Variants in ITPA observed in about 807,000 individuals in gnomAD.
ITPA encodes the protein inosine triphosphate pyrophosphatase.
ITPA carries 29 observed loss-of-function variants against 29.6 expected under a neutral mutation model. The observed-to-expected ratio is 0.98, with a 90% CI of 0.73 to 1.34. The LOEUF (loss-of-function observed/expected upper bound fraction) is 1.34. Ranked by LOEUF, ITPA falls within the 40% of genes most tolerant of loss-of-function variation. ITPA has a pLI of 0.00. For missense variants in ITPA, 241 were observed against 251.5 expected, an observed-to-expected ratio of 0.96 and a Z score of 0.28; for synonymous variants, 103 against 99.3, an observed-to-expected ratio of 1.04 and a Z score of -0.22.
At chr20:3,216,934 G>A (rs187558997) in intron 5 of ITPA, among the ~76,000 whole-genome samples, 88 of 151,982 alleles carry the variant, frequency 5.8e-4, no homozygotes, top group African/African-American at 2.0e-3. Context: ...AGGCTAGAGT[G>A]CAGTGGTGTG....
intron 6 of ITPA, among the ~76,000 whole-genome samples, chr20:3,220,571 C>G (rs143983835): frequency 2.3e-3 from 353 of 152,138 alleles, no homozygotes; most frequent in Middle Eastern, 3.4e-3. Context: ...GTTTTTGAGA[C>G]AGGGTCTTGC....
At chr20:3,225,178 G>C (rs887472832), downstream of ITPA, among the ~76,000 whole-genome samples, 5 of 152,078 alleles carry the variant, frequency 3.3e-5, no homozygotes, top group African/African-American at 4.8e-5. Context: ...ACTCCAGCCT[G>C]GGCAACAGTG....
intron 3 of ITPA, 145 bp from the exon 4 acceptor site, chr20:3,213,840 G>C: frequency 1.2e-6 from 1 of 835,254 alleles, no homozygotes; most frequent in Non-Finnish European, 2.1e-6. Flanking sequence ...TTAAGAGATT[G>C]GCCGAGGGCA....
intron 2 of ITPA, 33 bp downstream of exon 2, chr20:3,213,259 TG>T: frequency 6.2e-7 from 1 of 1,614,170 alleles, no homozygotes; most frequent in Non-Finnish European, 8.5e-7. Context: ...TTTTAAAAGA[TG>T]GTTGGATTTC....
At position 3,213,313 on chromosome 20, in the gene ITPA, G is replaced by A; in HGVS notation, c.125-6G>A. 1.2e-6 allele frequency: 2 copies of A among 1,614,136 alleles called. No individual in the cohort carries two copies. The highest frequency in any genetic ancestry group is 1.7e-6 in the Non-Finnish European group (2 of 1,180,002). On this transcript the variant is annotated splice_region_variant and splice_polypyrimidine_tract_variant and intron_variant, in intron 2 of 7. Coordinates refer to ENST00000380113, the MANE Select transcript of ITPA (RefSeq NM_033453.4). ...TGACTTTCTGTGTGTCTGTTTCCCTGATAAGTGCCGGAGTACCAGGGGGAG... is the reference window on the plus strand; with the variant it reads ...TGACTTTCTGTGTGTCTGTTTCCCTAATAAGTGCCGGAGTACCAGGGGGAG...
upstream of ITPA, among the ~76,000 whole-genome samples, chr20:3,207,628 A>C (rs1309315701): frequency 6.6e-6 from 1 of 151,828 alleles, no homozygotes; most frequent in Non-Finnish European, 1.5e-5. Context: ...CGGGAGTCGG[A>C]GGTTGAAGTG....
Position 3,215,328 on chromosome 20 carries a change from T to C in ITPA, c.295+16T>C, listed in dbSNP as rs2067269708. On this transcript the variant is annotated intron_variant, in intron 5 of 7. Transcript: ENST00000380113. ...AAGCCTGAAGGTATTATCTGCTTTG[T>C]TTCTTCCCTGGATCTGTTGGGAATG... is the stretch of plus-strand genomic sequence containing the variant. 9 of 1,612,638 alleles carry C rather than the reference T, an allele frequency of 5.6e-6. No individual in the cohort carries two copies. Among genetic ancestry groups the C allele is most frequent in the Non-Finnish European group, 7.6e-6 (9 of 1,178,620 alleles).
chr20:3,218,255 G>A (rs2067362271), intron 5 of ITPA, among the ~76,000 whole-genome samples: 1 of 152,164 alleles, frequency 6.6e-6, no homozygotes, highest in Admixed American at 6.6e-5. Context: ...ATCAAACAAG[G>A]TCCACACTGC....
At chr20:3,209,407 C>T (rs1287570381), upstream of ITPA, 3 of 791,496 alleles carry the variant, frequency 3.8e-6, no homozygotes, top group Non-Finnish European at 6.5e-6. The surrounding 1 kb of genome is among the most constrained non-coding windows in gnomAD (Gnocchi z 4.6). Flanking sequence ...CCCACTCGCC[C>T]GATACGCGCC....
In ITPA at chr20:3,209,982, C is replaced by G. The variant is rs2122280071; in HGVS notation, c.66+365C>G. ...CACTCTTCTGGGACTTATCCACATC[C>G]CGCTGCTGGGCCAGGGCTAGCAGGA... On this transcript the variant is annotated intron_variant, in intron 1 of 7. Transcript: ENST00000380113. The surrounding 1 kb of genome is among the most constrained non-coding windows in gnomAD (Gnocchi z 4.6). 6.6e-6 allele frequency among the ~76,000 whole-genome samples: 1 copy of G among 152,292 alleles called. No homozygotes were observed. Among genetic ancestry groups the G allele is most frequent in the Admixed American group, 6.5e-5 (1 of 15,298 alleles).
chr20:3,214,611 GCT>G (rs1568511772), intron 4 of ITPA, among the ~76,000 whole-genome samples: 1 of 150,742 alleles, frequency 6.6e-6, no homozygotes, highest in East Asian at 1.9e-4. Context: ...CAAGAGTCTC[GCT>G]CTGTCGCCCA....
Position 3,223,426 on chromosome 20 carries a change from G to A in ITPA, c.549G>A (p.Leu183=). 1 of 1,613,812 alleles carries A rather than the reference G, an allele frequency of 6.2e-7. No individual in the cohort carries two copies. The highest frequency in any genetic ancestry group is 8.5e-7 in the Non-Finnish European group (1 of 1,179,948). ...TCTCCCATCGCTTCCGGGCCCTGCT[G>A]GAGCTGCAGGAGTACTTTGGCAGTT... is the stretch of plus-strand genomic sequence containing the variant. ...NAVSHRFRAL[L]ELQEYFGSLA... The change falls in exon 8 of 8, where the codon CTG becomes CTA. Residue 183 remains leucine (L), a synonymous_variant. Transcript: ENST00000380113.
chr20:3,213,452 A>G lies in ITPA; in HGVS notation c.189+69A>G, dbSNP rs111757940. 64 of 1,574,076 alleles carry G rather than the reference A, an allele frequency of 4.1e-5. 1 individual carries two copies. In the African/African-American group the frequency reaches 6.2e-4, roughly 15 times the overall value. ...GTAGCTTCCAGGGCCTGCGCCTGCT[A>G]GAAACAATAGAGTAGACACAGTTTG... On this transcript the variant is annotated intron_variant, in intron 3 of 7. Transcript: ENST00000380113.
Position 3,223,636 on chromosome 20 carries a change from C to G in ITPA, c.*174C>G. ...GAGCAGCTGGCTCTGCTCTGAGAAA[C>G]TCTGGCAAGTGGACGCCATTCTCTT... On this transcript the variant is annotated 3_prime_UTR_variant, in exon 8 of 8. Coordinates refer to ENST00000380113, the MANE Select transcript of ITPA (RefSeq NM_033453.4). 1.6e-6 allele frequency: 1 copy of G among 636,740 alleles called. No individual in the cohort carries two copies. The highest frequency in any genetic ancestry group is 1.8e-5 in the South Asian group (1 of 55,634). The allele number at this position is 636,740 out of a possible 1,614,324, so 39.4% of individuals were successfully genotyped here. A position where few individuals can be genotyped will look rare whatever the true frequency, so the allele number is the denominator to read the frequency against.
intron 1 of ITPA, among the ~76,000 whole-genome samples, chr20:3,211,753 G>A (rs1171040545): frequency 6.6e-6 from 1 of 152,186 alleles, no homozygotes; most frequent in Non-Finnish European, 1.5e-5. Context: ...AGGGCCTCCC[G>A]AAGTGTTAGA....
chr20:3,227,430 A>G (rs2067568752), downstream of ITPA: 1 of 310,134 alleles, frequency 3.2e-6, no homozygotes, highest in African/African-American at 2.1e-5. Context: ...GAGCCTAGAA[A>G]CAGGAGCTTT....
At position 3,212,100 on chromosome 20, in the gene ITPA, G is replaced by A. The variant is rs547450937; in HGVS notation, c.67-1069G>A. On this transcript the variant is annotated intron_variant, in intron 1 of 7. Transcript: ENST00000380113. Reference sequence around the variant, plus strand: ...GGAGGAGGATCTCTTGGGCCCAGGAGGTTGAGGCTCTAGTGAGCTGTGTTT... The same window carrying A: ...GGAGGAGGATCTCTTGGGCCCAGGAAGTTGAGGCTCTAGTGAGCTGTGTTT... Among the ~76,000 whole-genome samples the A allele has an allele frequency of 2.5e-3, 379 of 152,162 alleles. 2 individuals carry two copies. The highest frequency in any genetic ancestry group is 0.022 in the South Asian group (104 of 4,818).
intron 7 of ITPA, 44 bp from the exon 8 acceptor site, chr20:3,223,322 C>G: frequency 2.0e-6 from 3 of 1,464,536 alleles, no homozygotes; most frequent in Non-Finnish European, 2.9e-6. Context: ...GGTGCACTTC[C>G]TTCCTGAATC....
chr20:3,204,748 C>CA, upstream of ITPA: 1 of 937,128 alleles, frequency 1.1e-6, no homozygotes, highest in African/African-American at 1.7e-5. Context: ...CGGCACATCA[C>CA]AGAGAGGCTT....
Sources: gnomAD v4.1 joint callset for allele counts (sites outside exome capture counted in the v4.1 genomes callset) on GRCh38, gnomAD v4.1.1 for gene constraint, Gnocchi (gnomAD v3.1) non-coding constraint, MANE v1.5 for transcripts, NCBI Gene and HGNC (gene_info 2026-07-23, HGNC 2026-07-21) for gene names.